The following NRL variants were observed in gnomAD, a reference collection of about 807,000 sequenced individuals.
NRL encodes neural retina leucine zipper.
A neutral mutation model predicts 12.5 loss-of-function variants in NRL; 16 were observed. That is an observed-to-expected ratio of 1.28 (90% CI 0.87 to 1.95). NRL has a LOEUF of 1.95. NRL is among the 30% of genes most tolerant of loss of function. NRL has a pLI of 0.00. For missense variants in NRL, 314 were observed against 325.8 expected (o/e 0.96, Z 0.28); for synonymous variants, 142 against 150.9 (o/e 0.94, Z 0.43).
intron 1 of NRL, among the ~76,000 whole-genome samples, chr14:24,109,952 A>T (rs2037393833): frequency 6.6e-6 from 1 of 152,182 alleles, no homozygotes; most frequent in Non-Finnish European, 1.5e-5. Context: ...TCAAAAAATG[A>T]ATTGTTAAGG....
chr14:24,113,967 C>A (rs2037473089), intron 1 of NRL, among the ~76,000 whole-genome samples: 1 of 152,214 alleles, frequency 6.6e-6, no homozygotes, highest in African/African-American at 2.4e-5. Flanking sequence ...CCCCACCCAG[C>A]CAGGGCGAGG....
At chr14:24,111,002 A>G (rs913696721) in intron 1 of NRL, among the ~76,000 whole-genome samples, 9 of 152,240 alleles carry the variant, frequency 5.9e-5, no homozygotes, top group African/African-American at 9.6e-5. Context: ...TTTCTTTTAG[A>G]GACAGTCTTT....
chr14:24,112,436 C>A (rs1046024175), intron 1 of NRL, among the ~76,000 whole-genome samples: 31 of 147,670 alleles, frequency 2.1e-4, no homozygotes, highest in African/African-American at 7.8e-4. Context: ...TCAGAGTGAA[C>A]AGGCAACCTA....
chr14:24,108,266 A>T (rs1184160297), intron 1 of NRL, among the ~76,000 whole-genome samples: 1 of 152,196 alleles, frequency 6.6e-6, no homozygotes, highest in South Asian at 2.1e-4. Context: ...CATTGTTTCT[A>T]GATCTTTTTG....
intron 1 of NRL, among the ~76,000 whole-genome samples, chr14:24,086,220 A>T (rs2036462704): frequency 6.6e-6 from 1 of 152,204 alleles, no homozygotes; most frequent in Non-Finnish European, 1.5e-5. Flanking sequence ...TCTCAAAAAA[A>T]AAAGAAGAGA....
At position 24,094,927 on chromosome 14, in the gene NRL, C is replaced by A; in HGVS notation, c.-27-12052G>T. On this transcript the variant is annotated intron_variant, in intron 1 of 2. Transcript: ENST00000561028. This position sits in a 1 kb window ranked among gnomAD's most constrained non-coding sequence, Gnocchi z 4.1. ...ATATCCATTCCCGGCCTCTCCCGGACTGGAAGGACTGGAACCTGGCGGGAA... is the reference window on the plus strand; with the variant it reads ...ATATCCATTCCCGGCCTCTCCCGGAATGGAAGGACTGGAACCTGGCGGGAA... 9.2e-7 allele frequency: 1 copy of A among 1,083,764 alleles called. No individual in the cohort carries two copies. The highest frequency in any genetic ancestry group is 1.2e-6 in the Non-Finnish European group (1 of 807,602). The allele number at this position is 1,083,764 out of a possible 1,614,324, so 67.1% of individuals were successfully genotyped here.
At chr14:24,098,519 T>TA in intron 1 of NRL, 1 of 1,614,142 alleles carries the variant, frequency 6.2e-7, no homozygotes, top group Non-Finnish European at 8.5e-7. Context: ...TCCTGTGGGC[T>TA]CCCCGCTGTC....
intron 1 of NRL, among the ~76,000 whole-genome samples, chr14:24,096,324 C>T (rs1182413457): frequency 1.3e-5 from 2 of 150,496 alleles, no homozygotes; most frequent in Non-Finnish European, 1.5e-5. Context: ...CTGCAACCTC[C>T]ACCTCCCGGG....
rs147825391 is a variant in NRL at position 24,097,235 on chromosome 14, G to T, written c.-27-14360C>A. The T allele has an allele frequency of 8.1e-6, 9 of 1,110,304 alleles. No homozygotes were observed. In the East Asian group the frequency reaches 2.1e-4, roughly 27 times the overall value. 68.8% of individuals were successfully genotyped at this position (1,110,304 alleles called of 1,614,324 possible). A position where few individuals can be genotyped will look rare whatever the true frequency, so the allele number is the denominator to read the frequency against. ...CTTAACTAGAACATCCCAATGGAATGAACAAGAATGAGAGCTTTGGGGTAA... is the reference window on the plus strand; with the variant it reads ...CTTAACTAGAACATCCCAATGGAATTAACAAGAATGAGAGCTTTGGGGTAA... On this transcript the variant is annotated intron_variant, in intron 1 of 2. Transcript: ENST00000561028.
rs1390440483 is a variant in NRL at position 24,085,341 on chromosome 14, CTT to C, written c.-27-2468_-27-2467del. On this transcript the variant is annotated intron_variant, in intron 1 of 2. Coordinates refer to ENST00000561028, the MANE Select transcript of NRL (RefSeq NM_001354768.3). This position sits in a 1 kb window ranked among gnomAD's most constrained non-coding sequence, Gnocchi z 4.1. The stretch of plus-strand genomic sequence containing the variant: ...AATCACCACCAGTCCGTCGGAGACA[CTT>C]TTGTAACTGGCCTCATATGCCCTCT... 1.3e-5 allele frequency among the ~76,000 whole-genome samples: 2 copies of C among 152,206 alleles called. No homozygotes were observed. Among genetic ancestry groups the C allele is most frequent in the Non-Finnish European group, 2.9e-5 (2 of 68,044 alleles).
intron 1 of NRL, among the ~76,000 whole-genome samples, chr14:24,104,850 C>T (rs2037308660): frequency 1.3e-5 from 2 of 152,174 alleles, no homozygotes; most frequent in Admixed American, 1.3e-4. Context: ...GCATAGTATT[C>T]ATGGAAGCAT....
Position 24,081,399 on chromosome 14 carries a change from C to T in NRL, c.551G>A (p.Arg184Gln). The stretch of plus-strand genomic sequence containing the variant: ...GGCGCGCTCGGCCTCCAGCCCGCGC[C>T]GCTGCTGCAGCCGCTTGGAGCGACA... ...QACRSKRLQQRRGLEAERARL... is the reference protein window; with the variant it reads ...QACRSKRLQQQRGLEAERARL... Residue 184 changes from arginine (R) to glutamine (Q), a missense_variant, in exon 3 of 3, where the codon CGG becomes CAG. Arg to Gln is a conservative substitution (Grantham distance 43). Transcript: ENST00000561028. This position sits in a 1 kb window ranked among gnomAD's most constrained non-coding sequence, Gnocchi z 4.4. 2.7e-6 allele frequency: 4 copies of T among 1,488,454 alleles called. No homozygotes were observed. The highest frequency in any genetic ancestry group is 3.6e-6 in the Non-Finnish European group (4 of 1,121,612). The allele number at this position is 1,488,454 out of a possible 1,614,324, so 92.2% of individuals were successfully genotyped here. A position where few individuals can be genotyped will look rare whatever the true frequency, so the allele number is the denominator to read the frequency against.
chr14:24,083,706 A>T (rs998694862), intron 1 of NRL, among the ~76,000 whole-genome samples: 1 of 152,218 alleles, frequency 6.6e-6, no homozygotes, highest in Admixed American at 6.5e-5. Flanking sequence ...TCTCTAGAAC[A>T]CTGATTCTGA....
chr14:24,092,232 C>T (rs2036653170), intron 1 of NRL, among the ~76,000 whole-genome samples: 1 of 152,058 alleles, frequency 6.6e-6, no homozygotes. Flanking sequence ...AGGCAGGAGT[C>T]CAAGAAGTGC....
chr14:24,079,413 G>A lies in NRL; in HGVS notation c.*1823C>T, dbSNP rs1448392561. Among the ~76,000 whole-genome samples the A allele has an allele frequency of 6.6e-6, 1 of 152,232 alleles. No homozygotes were observed. Among genetic ancestry groups the A allele is most frequent in the Non-Finnish European group, 1.5e-5 (1 of 68,048 alleles). On this transcript the variant is annotated 3_prime_UTR_variant, in exon 3 of 3. Transcript: ENST00000561028. ...TTCAACAATGAGTGTGGAAGGGGAT[G>A]AAGAAAGAGAAGCTAAAGGTTCTGT...
chr14:24,099,654 G>A lies in NRL; in HGVS notation c.-28+15068C>T, dbSNP rs771075981. 20 of 1,613,710 alleles carry A rather than the reference G, an allele frequency of 1.2e-5. No individual in the cohort carries two copies. The highest frequency in any genetic ancestry group is 1.7e-5 in the Non-Finnish European group (20 of 1,179,644). On this transcript the variant is annotated intron_variant, in intron 1 of 2. Transcript: ENST00000561028. Reference sequence around the variant, plus strand: ...GACCAACCTGGCTATGATGCGGCCTGCACTGCCAGGCTGGAAAGTGGAGTG... The same window carrying A: ...GACCAACCTGGCTATGATGCGGCCTACACTGCCAGGCTGGAAAGTGGAGTG...
chr14:24,111,376 G>A (rs1355448262), intron 1 of NRL, among the ~76,000 whole-genome samples: 1 of 151,966 alleles, frequency 6.6e-6, no homozygotes, highest in Non-Finnish European at 1.5e-5. Flanking sequence ...TTGGTTGATT[G>A]TTTTTTGTGT....
At chr14:24,092,749 G>A (rs747578126) in intron 1 of NRL, among the ~76,000 whole-genome samples, 7 of 152,228 alleles carry the variant, frequency 4.6e-5, no homozygotes, top group Non-Finnish European at 8.8e-5. Context: ...AGAAATCTGA[G>A]AATCAAGACT....
rs752247363 is a variant in NRL at position 24,099,233 on chromosome 14, G to GCTGGTGAGGGC, written c.-28+15478_-28+15488dup. 2.2e-5 allele frequency: 35 copies of GCTGGTGAGGGC among 1,592,024 alleles called. No homozygotes were observed. In the African/African-American group the frequency reaches 4.1e-4, roughly 19 times the overall value. ...ATGAGGGCTGGCTGGCAGAGCACATGCTGGTGAGGGCCTGGTGAGAAGCAG... is the reference window on the plus strand; with the variant it reads ...ATGAGGGCTGGCTGGCAGAGCACATGCTGGTGAGGGCCTGGTGAGGGCCTGGTGAGAAGCAG... On this transcript the variant is annotated intron_variant, in intron 1 of 2. Coordinates refer to ENST00000561028, the MANE Select transcript of NRL (RefSeq NM_001354768.3).
Sources: allele counts gnomAD v4.1 joint callset (sites outside exome capture counted in the v4.1 genomes callset), GRCh38; gene constraint gnomAD v4.1.1; non-coding constraint Gnocchi (gnomAD v3.1); transcripts MANE v1.5; gene names NCBI Gene and HGNC (gene_info 2026-07-23, HGNC 2026-07-21).